The following ZNF189 variants were observed in gnomAD, a reference collection of about 807,000 sequenced individuals.
The protein encoded by ZNF189 is zinc finger protein 189.
Under a neutral mutation model 53.5 loss-of-function variants are expected in ZNF189, and 33 were observed. The ratio of observed to expected loss-of-function variants is 0.62; its 90% CI spans 0.47 to 0.82. The LOEUF is 0.82. ZNF189 is among the 40% of genes least tolerant of loss of function. The pLI is 0.00. For missense variants in ZNF189, 711 were observed against 753.9 expected, an observed-to-expected ratio of 0.94 and a Z score of 0.67; for synonymous variants, 247 against 238.8, an observed-to-expected ratio of 1.03 and a Z score of -0.32.
At chr9:101,405,607 C>A (rs915371758) in intron 2 of ZNF189, among the ~76,000 whole-genome samples, 8 of 151,278 alleles carry the variant, frequency 5.3e-5, no homozygotes, top group African/African-American at 1.9e-4. Context: ...GTAACAATAA[C>A]AAAAGTCAGT....
intron 2 of ZNF189, among the ~76,000 whole-genome samples, chr9:101,404,043 A>G (rs1830627761): frequency 6.6e-6 from 1 of 152,228 alleles, no homozygotes; most frequent in South Asian, 2.1e-4. Flanking sequence ...CTTTGGCGAA[A>G]CCCACTTTGA....
rs1830906058 is a variant in ZNF189, at chr9:101,410,641, C to T, written c.*992C>T. 1 of 152,120 alleles carries T rather than the reference C, an allele frequency of 6.6e-6. No individual in the cohort carries two copies. The highest frequency in any genetic ancestry group is 2.4e-5 in the African/African-American group (1 of 41,424). 9.4% of individuals were successfully genotyped at this position (152,120 alleles called of 1,614,324 possible). Reference sequence around the variant, plus strand: ...ATTCATCTGTTTTAACCATTAAAACCTGTTTTGTTTTTAGCTTTGTGTAAG... The same window carrying T: ...ATTCATCTGTTTTAACCATTAAAACTTGTTTTGTTTTTAGCTTTGTGTAAG... On this transcript the variant is annotated 3_prime_UTR_variant, in exon 3 of 3. Coordinates refer to ENST00000339664, the MANE Select transcript of ZNF189 (RefSeq NM_003452.4).
rs527445616 is a variant in ZNF189 at position 101,410,484 on chromosome 9, A to G, written c.*835A>G. On this transcript the variant is annotated 3_prime_UTR_variant, in exon 3 of 3. Transcript: ENST00000339664. Reference sequence around the variant, plus strand: ...AAGTATTGGAAATGAAAAGACCTGGAGTCTATGCTAGGAAGCTGAGATATT... The same window carrying G: ...AAGTATTGGAAATGAAAAGACCTGGGGTCTATGCTAGGAAGCTGAGATATT... 2.4e-4 allele frequency: 37 copies of G among 152,390 alleles called. 2 individuals are homozygous for G. The highest frequency in any genetic ancestry group is 2.2e-3 in the Admixed American group (34 of 15,300). The allele number at this position is 152,390 out of a possible 1,614,324, so 9.4% of individuals were successfully genotyped here.
In ZNF189 at chr9:101,409,655, G is replaced by A; in HGVS notation, c.*6G>A. On this transcript the variant is annotated 3_prime_UTR_variant, in exon 3 of 3. Transcript: ENST00000339664. Reference sequence around the variant, plus strand: ...ACACAGCATGGATGCAATAAATGTAGAGCAATACATAAGCTCAATTTGATT... The same window carrying A: ...ACACAGCATGGATGCAATAAATGTAAAGCAATACATAAGCTCAATTTGATT... 6.3e-7 allele frequency: 1 copy of A among 1,593,272 alleles called. No homozygotes were observed. The highest frequency in any genetic ancestry group is 1.1e-5 in the South Asian group (1 of 87,816).
At position 101,399,139 on chromosome 9, in the gene ZNF189, C is replaced by G. The variant is rs1016055024; in HGVS notation, c.-18C>G. On this transcript the variant is annotated 5_prime_UTR_variant, in exon 1 of 3. Coordinates refer to ENST00000339664, the MANE Select transcript of ZNF189 (RefSeq NM_003452.4). ...GTGAGGCCGCCCCCAATTCCTGCCCCTATTCTCTGCCTGGGAGATGGCTTC... is the reference window on the plus strand; with the variant it reads ...GTGAGGCCGCCCCCAATTCCTGCCCGTATTCTCTGCCTGGGAGATGGCTTC... The G allele has an allele frequency of 6.3e-7, 1 of 1,584,754 alleles. No individual in the cohort carries two copies. Among genetic ancestry groups the G allele is most frequent in the Non-Finnish European group, 8.7e-7 (1 of 1,153,934 alleles).
chr9:101,405,196 T>C (rs545528877), intron 2 of ZNF189, among the ~76,000 whole-genome samples: 1 of 152,304 alleles, frequency 6.6e-6, no homozygotes, highest in East Asian at 1.9e-4. Context: ...TTAAAGGTGA[T>C]GGGGAGCTGC....
chr9:101,406,903 C>T (rs1330377613), intron 2 of ZNF189, among the ~76,000 whole-genome samples: 1 of 152,136 alleles, frequency 6.6e-6, no homozygotes. Flanking sequence ...AGATGTCATG[C>T]AGCCTCTCAG....
rs774090600 is a variant in ZNF189 at position 101,409,055 on chromosome 9, A to G, written c.1287A>G (p.Pro429=). 3 of 1,613,910 alleles carry G rather than the reference A, an allele frequency of 1.9e-6. No individual in the cohort carries two copies. Among genetic ancestry groups the G allele is most frequent in the African/African-American group, 1.3e-5 (1 of 74,888 alleles). The change falls in exon 3 of 3, where the codon CCA becomes CCG. Residue 429 remains proline (P), a synonymous_variant. Coordinates refer to ENST00000339664, the MANE Select transcript of ZNF189 (RefSeq NM_003452.4). ...TTCACACCAGGGAGAAGACTTATCC[A>G]TACAATGAAACTAAGGAAAGTTTTG... The part of the protein sequence containing the change: ...QRIHTREKTY[P]YNETKESFDP...
At position 101,407,862 on chromosome 9, in the gene ZNF189, TCTTA is replaced by T. The variant is rs1830770649; in HGVS notation, c.161-63_161-60del. On this transcript the variant is annotated intron_variant, in intron 2 of 2. Transcript: ENST00000339664. Reference sequence around the variant, plus strand: ...CTTTATTTGTTTCTTTGTTTGCCCATCTTACTTTGTTTCTCCTTGCTTCAAAGAC... The same window carrying T: ...CTTTATTTGTTTCTTTGTTTGCCCATCTTTGTTTCTCCTTGCTTCAAAGAC... 2.1e-6 allele frequency: 3 copies of T among 1,417,490 alleles called. No individual in the cohort carries two copies. In the Admixed American group the frequency reaches 8.9e-5, roughly 42 times the overall value. 87.8% of individuals were successfully genotyped at this position (1,417,490 alleles called of 1,614,324 possible). A position where few individuals can be genotyped will look rare whatever the true frequency, so the allele number is the denominator to read the frequency against.
chr9:101,399,344 G>A, intron 1 of ZNF189, 155 bp downstream of exon 1: 1 of 1,390,704 alleles, frequency 7.2e-7, no homozygotes. Context: ...ATTGGGGTGC[G>A]GTTCGCGAAC....
rs182054050 is a variant in ZNF189 at position 101,401,860 on chromosome 9, T to G, written c.160+1850T>G. On this transcript the variant is annotated intron_variant, in intron 2 of 2. Transcript: ENST00000339664. ...CAGACTTCCCCTCAGTCTGTACTCTTTCCTTGGGGGACCTTACCTACACTC... is the reference window on the plus strand; with the variant it reads ...CAGACTTCCCCTCAGTCTGTACTCTGTCCTTGGGGGACCTTACCTACACTC... Among the ~76,000 whole-genome samples the G allele has an allele frequency of 2.0e-5, 3 of 152,264 alleles. No individual in the cohort carries two copies. The East Asian group carries it at 5.8e-4, about 29-fold the overall frequency.
At chr9:101,402,209 C>T (rs149481864) in intron 2 of ZNF189, among the ~76,000 whole-genome samples, 133 of 152,358 alleles carry the variant, frequency 8.7e-4, no homozygotes, top group African/African-American at 1.5e-3. Flanking sequence ...AGCCACCGTG[C>T]GTGGCCCAAA....
chr9:101,409,168 T>C lies in ZNF189; in HGVS notation c.1400T>C (p.Val467Ala). The change falls in exon 3 of 3, where the codon GTT becomes GCT. Residue 467 changes from valine to alanine, a missense_variant. Transcript: ENST00000339664. ...GATGAATGTGGGAAAACTTTTAGTG[T>C]TAGTGCTCATCTTGTACAACATCAA... Reference protein sequence around the residue: ...KCDECGKTFSVSAHLVQHQRI... With the variant: ...KCDECGKTFSASAHLVQHQRI... The C allele has an allele frequency of 6.2e-7, 1 of 1,614,098 alleles. No individual in the cohort carries two copies. The highest frequency in any genetic ancestry group is 1.1e-5 in the South Asian group (1 of 91,084).
At position 101,409,634 on chromosome 9, in the gene ZNF189, A is replaced by C; in HGVS notation, c.1866A>C (p.Thr622=). The C allele has an allele frequency of 6.2e-7, 1 of 1,606,584 alleles. No individual in the cohort carries two copies. Among genetic ancestry groups the C allele is most frequent in the Non-Finnish European group, 8.5e-7 (1 of 1,177,514 alleles). Residue 622 remains threonine (T), a synonymous_variant, in exon 3 of 3, where the codon ACA becomes ACC. Transcript: ENST00000339664. ...TTATTCAGCATCAGAAATTGCACACAGCATGGATGCAATAAATGTAGAGCA... is the reference window on the plus strand; with the variant it reads ...TTATTCAGCATCAGAAATTGCACACCGCATGGATGCAATAAATGTAGAGCA... ...ISLIQHQKLH[T]AWMQ is the part of the protein sequence containing the mutation.
At position 101,408,298 on chromosome 9, in the gene ZNF189, A is replaced by G. The variant is rs148414030; in HGVS notation, c.530A>G (p.Gln177Arg). 2.4e-4 allele frequency: 387 copies of G among 1,614,146 alleles called. No individual in the cohort carries two copies. In the African/African-American group the frequency reaches 4.5e-3, roughly 19 times the overall value. ...QRVHTGEKPF[Q>R]CNECGKSFSR... ...GTCCATACTGGTGAGAAACCTTTTCAGTGCAATGAATGTGGGAAAAGTTTT... is the reference window on the plus strand; with the variant it reads ...GTCCATACTGGTGAGAAACCTTTTCGGTGCAATGAATGTGGGAAAAGTTTT... The change falls in exon 3 of 3, where the codon CAG (glutamine) becomes CGG (arginine). Residue 177 changes from glutamine to arginine, a missense_variant. Coordinates refer to ENST00000339664, the MANE Select transcript of ZNF189 (RefSeq NM_003452.4).
chr9:101,399,828 T>C, intron 1 of ZNF189, 56 bp from the exon 2 acceptor site: 2 of 1,610,392 alleles, frequency 1.2e-6, no homozygotes, highest in Non-Finnish European at 1.7e-6. Context: ...TCACTTTTAG[T>C]GGTAGAATTG....
chr9:101,400,134 T>C (rs1174984893), intron 2 of ZNF189, 124 bp downstream of exon 2: 1 of 1,312,100 alleles, frequency 7.6e-7, no homozygotes, highest in Non-Finnish European at 1.0e-6. Context: ...TTCAAACCTT[T>C]TAGCCATTAA....
Position 101,408,268 on chromosome 9 carries a change from A to G in ZNF189, c.500A>G (p.Gln167Arg). 6.2e-7 allele frequency: 1 copy of G among 1,614,198 alleles called. No homozygotes were observed. Among genetic ancestry groups the G allele is most frequent in the Non-Finnish European group, 8.5e-7 (1 of 1,180,032 alleles). Residue 167 changes from glutamine to arginine, a missense_variant, in exon 3 of 3, where the codon CAA becomes CGA. Gln to Arg is a conservative substitution (Grantham distance 43). Coordinates refer to ENST00000339664, the MANE Select transcript of ZNF189 (RefSeq NM_003452.4). Reference sequence around the variant, plus strand: ...CGCAAGGCCCATTTCATTCAACATCAAAGGGTCCATACTGGTGAGAAACCT... The same window carrying G: ...CGCAAGGCCCATTTCATTCAACATCGAAGGGTCCATACTGGTGAGAAACCT... ...FVRKAHFIQH[Q>R]RVHTGEKPFQ... is the part of the protein sequence containing the mutation.
At chr9:101,399,235 C>G (rs1157711664) in intron 1 of ZNF189, 46 bp downstream of exon 1, 2 of 1,530,674 alleles carry the variant, frequency 1.3e-6, no homozygotes, top group Non-Finnish European at 8.9e-7. Flanking sequence ...CGCCGCTACC[C>G]CAGCTAGGCC....
Sources: gnomAD v4.1 joint callset for allele counts (sites outside exome capture counted in the v4.1 genomes callset) on GRCh38, gnomAD v4.1.1 for gene constraint, MANE v1.5 for transcripts, NCBI Gene and HGNC (gene_info 2026-07-23, HGNC 2026-07-21) for gene names.